Variants in SLC26A7 observed in about 807,000 individuals in gnomAD.
SLC26A7 encodes the protein anion exchange transporter.
A neutral mutation model predicts 82.5 loss-of-function variants in SLC26A7; 59 were observed. The observed-to-expected ratio is 0.72, with a 90% CI of 0.58 to 0.89. SLC26A7 has a LOEUF of 0.89. Ranked by LOEUF, SLC26A7 falls within the 40% of genes least tolerant of loss-of-function variation. The pLI, the probability that SLC26A7 is intolerant of heterozygous loss-of-function variation, is 0.00. For synonymous variants in SLC26A7, 271 were observed against 274.3 expected (o/e 0.99, Z 0.12); for missense variants, 820 against 793.0 (o/e 1.03, Z -0.41).
chr8:91,349,127 G>A (rs576238431), intron 9 of SLC26A7, among the ~76,000 whole-genome samples: 8 of 152,230 alleles, frequency 5.3e-5, no homozygotes, highest in African/African-American at 1.9e-4. Flanking sequence ...TCCATGACTG[G>A]GGAGTATATA....
intron 2 of SLC26A7, among the ~76,000 whole-genome samples, chr8:91,240,245 G>A (rs1235513513): frequency 6.6e-6 from 1 of 152,030 alleles, no homozygotes; most frequent in African/African-American, 2.4e-5. Context: ...GTTCCATAAG[G>A]ATTGGTTTAT....
chr8:91,352,835 T>C (rs901331276), intron 10 of SLC26A7, 66 bp from the exon 11 acceptor site: 22 of 1,256,948 alleles, frequency 1.8e-5, no homozygotes, highest in Non-Finnish European at 2.5e-5. Context: ...AAAAATACCT[T>C]AGCCCTTTTA....
At chr8:91,323,823 T>TA (rs2130816001) in intron 5 of SLC26A7, among the ~76,000 whole-genome samples, 1 of 132,370 alleles carries the variant, frequency 7.6e-6, no homozygotes, top group East Asian at 2.0e-4. Context: ...CTTATCTTTT[T>TA]TTTTTTTTTT....
At chr8:91,315,598 T>G (rs980904) in intron 4 of SLC26A7, among the ~76,000 whole-genome samples, 18,818 of 152,196 alleles carry the variant, frequency 0.12, 1,470 homozygotes, top group African/African-American at 0.21. Context: ...GTCCTGAGTT[T>G]ACTGTAACAG....
At chr8:91,213,280 T>G (rs1265044318) in intron 1 of SLC26A7, among the ~76,000 whole-genome samples, 1 of 152,170 alleles carries the variant, frequency 6.6e-6, no homozygotes, top group African/African-American at 2.4e-5. Flanking sequence ...AAGGGTGGAA[T>G]GACCATATAA....
chr8:91,223,278 C>T (rs1404070872), intron 2 of SLC26A7, among the ~76,000 whole-genome samples: 1 of 151,868 alleles, frequency 6.6e-6, no homozygotes, highest in Non-Finnish European at 1.5e-5. Context: ...TTTCAAAAAA[C>T]CAGCTCCTGG....
chr8:91,279,461 C>T (rs947359792), intron 2 of SLC26A7, among the ~76,000 whole-genome samples: 4 of 152,120 alleles, frequency 2.6e-5, no homozygotes, highest in Non-Finnish European at 1.5e-5. Flanking sequence ...CAACACTTAT[C>T]TTTTGTCTTT....
intron 8 of SLC26A7, among the ~76,000 whole-genome samples, chr8:91,341,079 T>C (rs1813397859): frequency 6.6e-6 from 1 of 151,958 alleles, no homozygotes; most frequent in Non-Finnish European, 1.5e-5. Flanking sequence ...GCTGGTGCGC[T>C]ACACCCACTA....
chr8:91,210,376 A>T (rs1809886460), intron 1 of SLC26A7, among the ~76,000 whole-genome samples: 1 of 152,192 alleles, frequency 6.6e-6, no homozygotes, highest in Non-Finnish European at 1.5e-5. Flanking sequence ...AAATAAATTT[A>T]TTGATTGATG....
At chr8:91,390,824 A>G (rs985401900) in intron 16 of SLC26A7, among the ~76,000 whole-genome samples, 9 of 152,286 alleles carry the variant, frequency 5.9e-5, no homozygotes, top group East Asian at 1.9e-4. Flanking sequence ...GAAAGCTGCC[A>G]TGATCGGAGG....
chr8:91,225,473 C>G (rs573533278), intron 2 of SLC26A7, among the ~76,000 whole-genome samples: 1 of 151,952 alleles, frequency 6.6e-6, no homozygotes, highest in African/African-American at 2.4e-5. Flanking sequence ...TCTTCCTTCT[C>G]TCGTGGGTCT....
intron 15 of SLC26A7, among the ~76,000 whole-genome samples, chr8:91,372,946 T>A (rs1814407149): frequency 6.6e-6 from 1 of 151,984 alleles, no homozygotes; most frequent in East Asian, 1.9e-4. Flanking sequence ...TTCACGTCCT[T>A]GTGTAAATGT....
rs573652162 is a variant in SLC26A7 at position 91,310,549 on chromosome 8, G to A, written c.478-7667G>A. Among the ~76,000 whole-genome samples the A allele has an allele frequency of 4.6e-4, 70 of 151,928 alleles. 1 individual carries two copies. The highest frequency in any genetic ancestry group is 1.6e-3 in the African/African-American group (66 of 41,520). ...ACTAGATTTAGAAGAATGTTAAAACGAAATAAGGGGGTGAGGACAGCTTCC... is the reference window on the plus strand; with the variant it reads ...ACTAGATTTAGAAGAATGTTAAAACAAAATAAGGGGGTGAGGACAGCTTCC... On this transcript the variant is annotated intron_variant, in intron 4 of 18. Transcript: ENST00000276609.
chr8:91,291,256 A>G (rs370986508), intron 3 of SLC26A7, among the ~76,000 whole-genome samples: 2 of 152,200 alleles, frequency 1.3e-5, no homozygotes, highest in Non-Finnish European at 2.9e-5. Context: ...CTGTGAGATC[A>G]CAGATTAAAA....
At chr8:91,366,778 A>T in intron 14 of SLC26A7, 61 bp downstream of exon 14, 19 of 1,530,096 alleles carry the variant, frequency 1.2e-5, no homozygotes, top group Non-Finnish European at 1.7e-5. Context: ...ATGACAATAA[A>T]ACATGTATCA....
chr8:91,288,999 A>G (rs1811788594), intron 2 of SLC26A7, 137 bp from the exon 3 acceptor site: 1 of 597,052 alleles, frequency 1.7e-6, no homozygotes, highest in Non-Finnish European at 3.0e-6. Context: ...TAGGGCAATA[A>G]TGCTAGACTC....
At chr8:91,394,188 G>A (rs750883415) in intron 18 of SLC26A7, 149 bp downstream of exon 18, 10 of 1,611,536 alleles carry the variant, frequency 6.2e-6, no homozygotes, top group Non-Finnish European at 8.5e-6. Context: ...TTCTATTACA[G>A]GTAAAAGAAT....
chr8:91,308,443 C>A (rs1812385010), intron 4 of SLC26A7, among the ~76,000 whole-genome samples: 1 of 152,106 alleles, frequency 6.6e-6, no homozygotes, highest in African/African-American at 2.4e-5. Flanking sequence ...ACTCTATACT[C>A]ATTAAACAAG....
At chr8:91,226,442 T>A (rs756319645) in intron 2 of SLC26A7, among the ~76,000 whole-genome samples, 2 of 152,196 alleles carry the variant, frequency 1.3e-5, no homozygotes, top group Non-Finnish European at 2.9e-5. Flanking sequence ...CACTAATAAA[T>A]ACGTTAAGGA....
Sources: allele counts gnomAD v4.1 joint callset (sites outside exome capture counted in the v4.1 genomes callset), GRCh38; gene constraint gnomAD v4.1.1; transcripts MANE v1.5; gene names NCBI Gene and HGNC (gene_info 2026-07-23, HGNC 2026-07-21).